Variants in EDARADD observed in about 807,000 individuals in gnomAD.
EDARADD encodes EDAR associated via death domain, also known as ectodysplasin-A receptor-associated adapter protein.
EDARADD carries 20 observed loss-of-function variants against 25.6 expected under a neutral mutation model. That is an observed-to-expected ratio of 0.78 (90% CI 0.55 to 1.14). The LOEUF (loss-of-function observed/expected upper bound fraction) is 1.14. Among genes scored for constraint, EDARADD ranks in the 50% most tolerant of loss-of-function variants. EDARADD has a pLI of 0.00. For synonymous variants in EDARADD, 86 were observed against 94.4 expected (o/e 0.91, Z 0.52); for missense variants, 225 against 270.1 (o/e 0.83, Z 1.17).
intron 3 of EDARADD, among the ~76,000 whole-genome samples, chr1:236,417,115 C>G (rs1317571084): frequency 9.3e-6 from 1 of 107,200 alleles, no homozygotes; most frequent in Non-Finnish European, 2.1e-5. Context: ...GACCCTGTCT[C>G]AAAAATAAAT....
chr1:236,409,139 C>A, intron 1 of EDARADD, 77 bp from the exon 2 acceptor site: 3 of 985,332 alleles, frequency 3.0e-6, no homozygotes, highest in Non-Finnish European at 4.7e-6. Context: ...TGTATAGAGA[C>A]AGTTATCAAA....
intron 4 of EDARADD, among the ~76,000 whole-genome samples, chr1:236,463,410 C>T (rs1004102416): frequency 6.6e-6 from 1 of 152,206 alleles, no homozygotes; most frequent in Non-Finnish European, 1.5e-5. Flanking sequence ...TCTCCTGCCT[C>T]AGCCTTCCGA....
intron 3 of EDARADD, among the ~76,000 whole-genome samples, chr1:236,419,842 T>A (rs1265414751): frequency 6.6e-6 from 1 of 152,170 alleles, no homozygotes; most frequent in Non-Finnish European, 1.5e-5. Flanking sequence ...ATATACATGG[T>A]CCCTTATTTG....
At chr1:236,449,464 T>C (rs1658650876) in intron 4 of EDARADD, among the ~76,000 whole-genome samples, 2 of 152,238 alleles carry the variant, frequency 1.3e-5, no homozygotes, top group Non-Finnish European at 2.9e-5. Flanking sequence ...AGTCTTAGCA[T>C]CCAGGGTATT....
chr1:236,454,122 T>A (rs1395856815), intron 4 of EDARADD, among the ~76,000 whole-genome samples: 2 of 152,198 alleles, frequency 1.3e-5, no homozygotes, highest in Non-Finnish European at 2.9e-5. Flanking sequence ...CTTGGCTCAC[T>A]GCAACCTCCA....
chr1:236,396,266 C>A (rs1667513997), intron 1 of EDARADD, among the ~76,000 whole-genome samples: 1 of 152,078 alleles, frequency 6.6e-6, no homozygotes, highest in Admixed American at 6.6e-5. Flanking sequence ...TACCCGAGGT[C>A]GGAGTGGAGA....
intron 3 of EDARADD, among the ~76,000 whole-genome samples, chr1:236,360,537 GTTTTT>G (rs869053977): frequency 0.018 from 2,311 of 131,240 alleles, 124 homozygotes; most frequent in African/African-American, 0.066. Flanking sequence ...TTAATTCACG[GTTTTT>G]TTTTTTTTTT....
At chr1:236,479,575 A>T (rs1399665104) in intron 5 of EDARADD, among the ~76,000 whole-genome samples, 1 of 151,910 alleles carries the variant, frequency 6.6e-6, no homozygotes, top group African/African-American at 2.4e-5. Context: ...GCTTCATTGG[A>T]GTCTTTAGAC....
chr1:236,443,647 C>T (rs985318837), intron 4 of EDARADD, among the ~76,000 whole-genome samples: 1 of 152,144 alleles, frequency 6.6e-6, no homozygotes, highest in African/African-American at 2.4e-5. Flanking sequence ...ATAGTTGCTT[C>T]TTATGGATGA....
At chr1:236,419,961 C>T (rs1200240210) in intron 3 of EDARADD, among the ~76,000 whole-genome samples, 4 of 152,010 alleles carry the variant, frequency 2.6e-5, no homozygotes, top group African/African-American at 4.8e-5. Flanking sequence ...GTGGATTACT[C>T]GAGGCCAGGA....
chr1:236,374,033 T>C (rs1667198836), intron 3 of EDARADD, among the ~76,000 whole-genome samples: 1 of 152,226 alleles, frequency 6.6e-6, no homozygotes, highest in African/African-American at 2.4e-5. Context: ...GAGCAGATAC[T>C]GTGTAATTTC....
intron 4 of EDARADD, among the ~76,000 whole-genome samples, 169 bp from the exon 5 acceptor site, chr1:236,468,062 A>T (rs1413720602): frequency 6.6e-6 from 1 of 152,200 alleles, no homozygotes; most frequent in Non-Finnish European, 1.5e-5. Context: ...CGTATTCTAG[A>T]GGGAGATGCT....
chr1:236,379,868 A>G (rs1667278087), intron 3 of EDARADD, among the ~76,000 whole-genome samples: 1 of 152,250 alleles, frequency 6.6e-6, no homozygotes, highest in Non-Finnish European at 1.5e-5. Context: ...TTGTTAACCT[A>G]TGATAAATTA....
intron 3 of EDARADD, among the ~76,000 whole-genome samples, chr1:236,362,662 A>G (rs1667063450): frequency 6.6e-6 from 1 of 152,116 alleles, no homozygotes; most frequent in African/African-American, 2.4e-5. Context: ...TGCTTCTTCT[A>G]GAAGTTTTAT....
intron 3 of EDARADD, among the ~76,000 whole-genome samples, chr1:236,416,374 C>T (rs1657641758): frequency 6.6e-6 from 1 of 152,204 alleles, no homozygotes; most frequent in Admixed American, 6.5e-5. Flanking sequence ...TAGAAAAAGA[C>T]GGAGCTGTAA....
chr1:236,427,049 T>G (rs1657940067), intron 3 of EDARADD, among the ~76,000 whole-genome samples: 1 of 152,170 alleles, frequency 6.6e-6, no homozygotes, highest in South Asian at 2.1e-4. Context: ...TCTTGGCTAA[T>G]TTTGTATTTT....
At chr1:236,397,947 G>A (rs1048080444) in intron 1 of EDARADD, among the ~76,000 whole-genome samples, 45 of 152,082 alleles carry the variant, frequency 3.0e-4, no homozygotes, top group African/African-American at 1.1e-3. Flanking sequence ...CATAGATGGT[G>A]CCCATATCTT....
chr1:236,482,598 G>C lies in EDARADD; in HGVS notation c.597G>C (p.Val199=). 6.2e-7 allele frequency: 1 copy of C among 1,612,780 alleles called. No homozygotes were observed. Among genetic ancestry groups the C allele is most frequent in the Non-Finnish European group, 8.5e-7 (1 of 1,180,026 alleles). Reference sequence around the variant, plus strand: ...TGGAGAAGGTTCTGCGCAGGTGGGTGGACGAGGAGTGGCCCAAGCGGGAGC... The same window carrying C: ...TGGAGAAGGTTCTGCGCAGGTGGGTCGACGAGGAGTGGCCCAAGCGGGAGC... ...ADVEKVLRRW[V]DEEWPKRERG... is the part of the protein sequence containing the mutation. The change falls in exon 6 of 6, where the codon GTG becomes GTC. Residue 199 remains valine, a synonymous_variant. Coordinates refer to ENST00000334232, the MANE Select transcript of EDARADD (RefSeq NM_145861.4).
intron 3 of EDARADD, among the ~76,000 whole-genome samples, chr1:236,359,153 G>C (rs919581007): frequency 5.9e-5 from 9 of 152,064 alleles, no homozygotes; most frequent in African/African-American, 2.2e-4. Flanking sequence ...GTCCTACTAG[G>C]ATCCCTTTCC....
Sources: gnomAD v4.1 joint callset for allele counts (sites outside exome capture counted in the v4.1 genomes callset) on GRCh38, gnomAD v4.1.1 for gene constraint, MANE v1.5 for transcripts, NCBI Gene and HGNC (gene_info 2026-07-23, HGNC 2026-07-21) for gene names.